NEBL: variants seen among roughly 807,000 people sequenced by gnomAD.
NEBL encodes nebulette.
NEBL carries 122 observed loss-of-function variants against 140.2 expected under a neutral mutation model. That is an observed-to-expected ratio of 0.87 (90% CI 0.75 to 1.01). The LOEUF is 1.01. NEBL is among the 50% of genes least tolerant of loss of function. The pLI, the probability that NEBL is intolerant of heterozygous loss-of-function variation, is 0.00. For missense variants in NEBL, 1,365 were observed against 1,231.3 expected (o/e 1.11, Z -1.62); for synonymous variants, 436 against 398.9 (o/e 1.09, Z -1.11).
chr10:20,963,639 C>T (rs1474280620), intron 3 of NEBL, among the ~76,000 whole-genome samples: 1 of 152,164 alleles, frequency 6.6e-6, no homozygotes, highest in Non-Finnish European at 1.5e-5. Context: ...AAGTGATCCT[C>T]CTACCTTAGC....
chr10:20,822,457 A>G (rs1839424165), intron 19 of NEBL, among the ~76,000 whole-genome samples: 2 of 151,726 alleles, frequency 1.3e-5, no homozygotes, highest in South Asian at 4.1e-4. Context: ...AGATAAAAGA[A>G]ATAGAAAATG....
At chr10:21,094,607 G>A (rs998718996) in intron 2 of NEBL, among the ~76,000 whole-genome samples, 1 of 151,932 alleles carries the variant, frequency 6.6e-6, no homozygotes, top group Non-Finnish European at 1.5e-5. Context: ...ACTTGAGCCT[G>A]GGAGGCAGAG....
intron 2 of NEBL, among the ~76,000 whole-genome samples, chr10:21,105,120 G>A (rs2132001138): frequency 6.6e-6 from 1 of 152,082 alleles, no homozygotes; most frequent in African/African-American, 2.4e-5. Context: ...AATTTTATTG[G>A]CTAAAAGTCT....
intron 5 of NEBL, among the ~76,000 whole-genome samples, chr10:20,873,561 A>AAAT (rs1036974281): frequency 1.6e-4 from 24 of 152,116 alleles, no homozygotes; most frequent in Non-Finnish European, 2.6e-4. Flanking sequence ...GAGAAAAAGA[A>AAAT]AATAATAATA....
At position 20,975,517 on chromosome 10, in the gene NEBL, T is replaced by C. The variant is rs114175770; in HGVS notation, c.250-13738A>G. ...ATCAATACATCAGTAGCAAGAGCTA[T>C]TATAGGGATTGTGTATGTTTCATTT... On this transcript the variant is annotated intron_variant, in intron 3 of 6. Transcript: ENST00000417816. Among the ~76,000 whole-genome samples the C allele has an allele frequency of 5.0e-3, 765 of 152,294 alleles. 7 individuals are homozygous for C. Among genetic ancestry groups the C allele is most frequent in the African/African-American group, 0.018 (740 of 41,554 alleles).
intron 4 of NEBL, among the ~76,000 whole-genome samples, chr10:20,933,507 G>A (rs1459608632): frequency 6.6e-6 from 1 of 152,154 alleles, no homozygotes; most frequent in Non-Finnish European, 1.5e-5. Flanking sequence ...GACAAGGCGG[G>A]TGGATAACCT....
intron 2 of NEBL, among the ~76,000 whole-genome samples, chr10:21,071,594 A>T (rs1231352962): frequency 6.6e-6 from 1 of 151,988 alleles, no homozygotes; most frequent in African/African-American, 2.4e-5. Flanking sequence ...GCCCTCAGAG[A>T]CTCTAATGCA....
intron 26 of NEBL, among the ~76,000 whole-genome samples, chr10:20,803,739 A>T (rs1321634176): frequency 6.6e-6 from 1 of 151,230 alleles, no homozygotes; most frequent in East Asian, 1.9e-4. Context: ...CCAGCAGAGC[A>T]CACATTTCAA....
intron 26 of NEBL, among the ~76,000 whole-genome samples, chr10:20,797,067 T>C (rs530790640): frequency 2.1e-4 from 32 of 152,324 alleles, no homozygotes; most frequent in Admixed American, 2.0e-3. Context: ...TAGACAGAGA[T>C]GCTATTTCCA....
At chr10:21,097,087 A>G (rs1308726561) in intron 2 of NEBL, among the ~76,000 whole-genome samples, 2 of 152,080 alleles carry the variant, frequency 1.3e-5, no homozygotes, top group East Asian at 3.9e-4. Context: ...TTTCACCTCC[A>G]CTCTCCTAAT....
At chr10:21,086,290 A>T (rs141986063) in intron 2 of NEBL, among the ~76,000 whole-genome samples, 1 of 152,226 alleles carries the variant, frequency 6.6e-6, no homozygotes, top group African/African-American at 2.4e-5. Flanking sequence ...GTGTAAGGAG[A>T]AATCAATGAC....
rs566238816 is a variant in NEBL, at chr10:20,992,333, C to G, written c.249+27784G>C. On this transcript the variant is annotated intron_variant, in intron 3 of 6. Coordinates refer to the NEBL transcript ENST00000417816. ...TCTCACCAGGTTGAAGTTATAGATA[C>G]TTTCTCAACCGCCCTTGCAGTTCAG... 1.2e-4 allele frequency among the ~76,000 whole-genome samples: 19 copies of G among 152,298 alleles called. No homozygotes were observed. In the South Asian group the frequency reaches 3.5e-3, roughly 28 times the overall value.
At chr10:20,847,391 T>C (rs1235049033) in intron 11 of NEBL, among the ~76,000 whole-genome samples, 1 of 152,098 alleles carries the variant, frequency 6.6e-6, no homozygotes. Context: ...GAGAAGAAGT[T>C]GGGTGAAGAA....
intron 3 of NEBL, among the ~76,000 whole-genome samples, chr10:21,199,885 G>A (rs187946020): frequency 6.6e-6 from 1 of 152,320 alleles, no homozygotes; most frequent in Admixed American, 6.5e-5. Context: ...CAGTCAATGT[G>A]AATTTGAAGC....
chr10:20,845,539 T>G, intron 11 of NEBL, 171 bp from the exon 12 acceptor site: 1 of 573,268 alleles, frequency 1.7e-6, no homozygotes, highest in Non-Finnish European at 3.1e-6. Flanking sequence ...AATTTTAGAA[T>G]TCTACCAAAC....
chr10:21,234,023 A>ATAGAT (rs1554834239), intron 3 of NEBL, among the ~76,000 whole-genome samples: 1 of 138,680 alleles, frequency 7.2e-6, no homozygotes, highest in Non-Finnish European at 1.6e-5. Context: ...AGATAGATAG[A>ATAGAT]TAGATAGATA....
At chr10:21,169,850 G>A (rs1468874348) in intron 2 of NEBL, among the ~76,000 whole-genome samples, 1 of 152,104 alleles carries the variant, frequency 6.6e-6, no homozygotes, top group East Asian at 1.9e-4. Flanking sequence ...AGAAATTTTA[G>A]AGAGAAAAAT....
intron 3 of NEBL, among the ~76,000 whole-genome samples, chr10:20,967,130 C>T (rs369515771): frequency 2.3e-3 from 356 of 152,038 alleles, no homozygotes; most frequent in African/African-American, 8.2e-3. Context: ...AAAGAGAGAG[C>T]ATCTGGAGAC....
At chr10:20,961,816 A>ATTCGTGATCCCTCTG in intron 3 of NEBL, 1 of 1,502,640 alleles carries the variant, frequency 6.7e-7, no homozygotes, top group Non-Finnish European at 9.3e-7. Context: ...GAACAGAGGG[A>ATTCGTGATCCCTCTG]TCACGAATCC....
Sources: gnomAD v4.1 joint callset for allele counts (sites outside exome capture counted in the v4.1 genomes callset) on GRCh38, gnomAD v4.1.1 for gene constraint, MANE v1.5 for transcripts, NCBI Gene and HGNC (gene_info 2026-07-23, HGNC 2026-07-21) for gene names.